Variants in LRRIQ1 observed in about 807,000 individuals in gnomAD.
LRRIQ1 encodes the protein leucine-rich repeat- and IQ domain-containing protein 1.
A neutral mutation model predicts 211.9 loss-of-function variants in LRRIQ1; 210 were observed. The observed-to-expected ratio is 0.99, with a 90% CI of 0.89 to 1.11. The LOEUF (loss-of-function observed/expected upper bound fraction) is 1.11. Ranked by LOEUF, LRRIQ1 falls within the 50% of genes most tolerant of loss-of-function variation. LRRIQ1 has a pLI of 0.00. For missense variants in LRRIQ1, 2,136 were observed against 1,939.5 expected (o/e 1.10, Z -1.90); for synonymous variants, 699 against 650.1 (o/e 1.08, Z -1.14).
intron 18 of LRRIQ1, among the ~76,000 whole-genome samples, 176 bp from the exon 19 acceptor site, chr12:85,137,674 A>G (rs1761565334): frequency 6.6e-6 from 1 of 151,632 alleles, no homozygotes; most frequent in Admixed American, 6.6e-5. Flanking sequence ...CTTTAGACAC[A>G]TGTCGTCGTT....
chr12:85,270,880 T>C, the LRRIQ1 span, among the ~76,000 whole-genome samples: 141 of 152,254 alleles, frequency 9.3e-4, no homozygotes, highest in African/African-American at 3.2e-3. Context: ...AGTCTGAAAG[T>C]AGTCTCTACA....
intron 14 of LRRIQ1, 51 bp from the exon 15 acceptor site, chr12:85,106,471 T>C (rs748808382): frequency 2.4e-6 from 3 of 1,261,346 alleles, no homozygotes; most frequent in Admixed American, 3.8e-5. Context: ...ATTTATGATA[T>C]TTGTTCTAAA....
At chr12:85,195,466 CT>C (rs1159632863) in intron 24 of LRRIQ1, among the ~76,000 whole-genome samples, 1 of 151,872 alleles carries the variant, frequency 6.6e-6, no homozygotes, top group Non-Finnish European at 1.5e-5. Flanking sequence ...CATCAAAAAG[CT>C]TATCCACCAT....
chr12:85,126,822 A>G (rs1434898053), intron 17 of LRRIQ1, among the ~76,000 whole-genome samples: 4 of 144,474 alleles, frequency 2.8e-5, no homozygotes, highest in African/African-American at 4.9e-5. Context: ...CCAGAAATGT[A>G]TTACTATGAG....
At chr12:85,058,741 T>C (rs1881430527) in intron 8 of LRRIQ1, among the ~76,000 whole-genome samples, 1 of 152,024 alleles carries the variant, frequency 6.6e-6, no homozygotes, top group Admixed American at 6.6e-5. Context: ...ATCTATAGAA[T>C]ACCTGAAGCT....
intron 1 of LRRIQ1, among the ~76,000 whole-genome samples, chr12:85,261,793 A>ATTTG (rs1204937731): frequency 1.3e-4 from 19 of 148,134 alleles, no homozygotes; most frequent in African/African-American, 4.3e-4. Flanking sequence ...TTATTTATTT[A>ATTTG]TTTATTTATT....
At position 85,073,051 on chromosome 12, in the gene LRRIQ1, C is replaced by CA. The variant is rs1198982949; in HGVS notation, c.2846dup (p.Asn949LysfsTer5). 4 of 1,609,110 alleles carry CA rather than the reference C, an allele frequency of 2.5e-6. No homozygotes were observed. Among genetic ancestry groups the CA allele is most frequent in the Non-Finnish European group, 3.4e-6 (4 of 1,177,558 alleles). On this transcript the variant is annotated frameshift_variant, in exon 11 of 27. Transcript: ENST00000393217. LOFTEE classifies it high-confidence loss of function. ...TCCTGGATACCTATTACCTCACTTA[C>CA]AAAAAATTCAGATTGTAATTTCCTT...
At position 85,086,416 on chromosome 12, in the gene LRRIQ1, C is replaced by T. The variant is rs187700152; in HGVS notation, c.2888-11939C>T. Among the ~76,000 whole-genome samples the T allele has an allele frequency of 5.3e-5, 8 of 151,988 alleles. No homozygotes were observed. The East Asian group carries it at 1.2e-3, about 22-fold the overall frequency. ...GTTTAAAAGTGTGTAGCACCTCACCCCCACTCTTGTCACTTGCTCCTGCTT... is the reference window on the plus strand; with the variant it reads ...GTTTAAAAGTGTGTAGCACCTCACCTCCACTCTTGTCACTTGCTCCTGCTT... On this transcript the variant is annotated intron_variant, in intron 11 of 26. Transcript: ENST00000393217.
At chr12:85,222,339 G>A (rs1894442067) in intron 24 of LRRIQ1, among the ~76,000 whole-genome samples, 1 of 152,102 alleles carries the variant, frequency 6.6e-6, no homozygotes, top group Non-Finnish European at 1.5e-5. Flanking sequence ...TCCTGAGATT[G>A]AAAAAGATGG....
intron 19 of LRRIQ1, among the ~76,000 whole-genome samples, chr12:85,148,738 A>G (rs1358181286): frequency 6.6e-6 from 1 of 151,936 alleles, no homozygotes; most frequent in Non-Finnish European, 1.5e-5. Context: ...GTCTTCCAGA[A>G]TGGTTGAACT....
At chr12:85,131,227 A>G (rs907304176) in intron 18 of LRRIQ1, among the ~76,000 whole-genome samples, 1 of 151,646 alleles carries the variant, frequency 6.6e-6, no homozygotes, top group Non-Finnish European at 1.5e-5. Context: ...AAAAAAAAAA[A>G]ATTTCAATGG....
intron 11 of LRRIQ1, among the ~76,000 whole-genome samples, chr12:85,080,101 G>A (rs1219893269): frequency 6.6e-6 from 1 of 151,960 alleles, no homozygotes; most frequent in Non-Finnish European, 1.5e-5. Flanking sequence ...ATATACGTAC[G>A]TGTGTGTGTC....
chr12:85,069,144 T>A (rs1476005065), intron 10 of LRRIQ1, among the ~76,000 whole-genome samples: 8 of 129,614 alleles, frequency 6.2e-5, no homozygotes, highest in African/African-American at 2.3e-4. Context: ...CCTGTGTCCA[T>A]GTGTTCTCAT....
intron 24 of LRRIQ1, among the ~76,000 whole-genome samples, chr12:85,178,040 C>T (rs755809855): frequency 1.3e-5 from 2 of 152,004 alleles, no homozygotes; most frequent in African/African-American, 4.8e-5. Flanking sequence ...CCATAGTAAG[C>T]GGTGCTCAGT....
chr12:85,165,606 G>A (rs1385483044), intron 24 of LRRIQ1, among the ~76,000 whole-genome samples: 1 of 150,640 alleles, frequency 6.6e-6, no homozygotes, highest in Non-Finnish European at 1.5e-5. Context: ...CCAAGTAGCT[G>A]GCATTACAGG....
At chr12:85,263,168 T>G in exon 2 of LRRIQ1, 4 of 592,684 alleles carry the variant, frequency 6.7e-6, no homozygotes, top group Non-Finnish European at 8.5e-6. Flanking sequence ...ATATTTAATT[T>G]GGTTTATTAT....
chr12:85,201,314 T>C (rs1448347387), intron 24 of LRRIQ1, among the ~76,000 whole-genome samples: 2 of 151,362 alleles, frequency 1.3e-5, no homozygotes, highest in Non-Finnish European at 2.9e-5. Flanking sequence ...ATAGAATGAG[T>C]TAGCAAGGAG....
intron 19 of LRRIQ1, among the ~76,000 whole-genome samples, chr12:85,147,905 G>C (rs1419821089): frequency 6.6e-6 from 1 of 151,638 alleles, no homozygotes; most frequent in African/African-American, 2.4e-5. Context: ...GTTTCTAAAG[G>C]AATCAAATAG....
intron 19 of LRRIQ1, among the ~76,000 whole-genome samples, chr12:85,145,403 G>A (rs1044631511): frequency 2.0e-5 from 3 of 151,550 alleles, no homozygotes; most frequent in African/African-American, 4.8e-5. Flanking sequence ...GATTAACCAC[G>A]AACACTTACA....
Sources: allele counts gnomAD v4.1 joint callset (sites outside exome capture counted in the v4.1 genomes callset), GRCh38; gene constraint gnomAD v4.1.1; transcripts MANE v1.5; gene names NCBI Gene and HGNC (gene_info 2026-07-23, HGNC 2026-07-21).